Variants in HCN1 observed in about 807,000 individuals in gnomAD.
The protein encoded by HCN1 is hyperpolarization activated cyclic nucleotide gated potassium channel 1.
HCN1 carries 13 observed loss-of-function variants against 78.9 expected under a neutral mutation model. The observed-to-expected ratio is 0.16, with a 90% CI of 0.11 to 0.26. The LOEUF (loss-of-function observed/expected upper bound fraction) is 0.26. HCN1 is among the 10% of genes least tolerant of loss of function. The pLI, the probability that HCN1 is intolerant of heterozygous loss-of-function variation, is 1.00. For missense variants in HCN1, 810 were observed against 1,154.3 expected (o/e 0.70, Z 4.32); for synonymous variants, 552 against 455.5 (o/e 1.21, Z -2.70).
At chr5:45,446,187 G>T (rs1253138886) in intron 3 of HCN1, among the ~76,000 whole-genome samples, 1 of 152,214 alleles carries the variant, frequency 6.6e-6, no homozygotes. Context: ...ACAGAGAAGT[G>T]CTTAAAGGAG....
chr5:45,534,415 A>T (rs1002560894), intron 2 of HCN1, among the ~76,000 whole-genome samples: 6 of 102,874 alleles, frequency 5.8e-5, no homozygotes, highest in African/African-American at 2.0e-4. Flanking sequence ...AAAAAAAAAA[A>T]AAAAAAAAAA....
At chr5:45,295,585 T>C (rs1226739742) in intron 6 of HCN1, among the ~76,000 whole-genome samples, 3 of 152,060 alleles carry the variant, frequency 2.0e-5, no homozygotes, top group African/African-American at 7.2e-5. Context: ...TGCATTATTG[T>C]AGATATAAAT....
At chr5:45,368,825 A>C (rs1232818136) in intron 4 of HCN1, among the ~76,000 whole-genome samples, 1 of 152,090 alleles carries the variant, frequency 6.6e-6, no homozygotes, top group African/African-American at 2.4e-5. Flanking sequence ...AAATTTTATT[A>C]GATGTACTAT....
intron 3 of HCN1, among the ~76,000 whole-genome samples, chr5:45,454,812 T>G (rs1383073567): frequency 1.3e-5 from 2 of 152,128 alleles, no homozygotes; most frequent in African/African-American, 4.8e-5. Context: ...TGTCCGGGTT[T>G]CTATATTCTA....
rs149939622 is a variant in HCN1, at chr5:45,537,944, G to A, written c.850-75937C>T. ...CAATGGATCTTTGACAGAAAGTACC[G>A]TCCTTTGGCTGTGATATGAAAGGAG... On this transcript the variant is annotated intron_variant, in intron 2 of 7. Transcript: ENST00000303230. Among the ~76,000 whole-genome samples, 55 of 151,822 alleles carry A rather than the reference G, an allele frequency of 3.6e-4. 1 individual carries two copies. In the East Asian group the frequency reaches 7.8e-3, roughly 21 times the overall value.
intron 3 of HCN1, among the ~76,000 whole-genome samples, chr5:45,443,669 C>T (rs1343927118): frequency 1.3e-5 from 2 of 152,058 alleles, no homozygotes; most frequent in Non-Finnish European, 2.9e-5. Context: ...TTAGGGCTGA[C>T]ATTACTTTTG....
At position 45,396,579 on chromosome 5, in the gene HCN1, G is replaced by T. The variant is rs761760627; in HGVS notation, c.1143C>A (p.Val381=). The change falls in exon 4 of 8, where the codon GTC becomes GTA. Residue 381 remains valine (V), a synonymous_variant. Coordinates refer to ENST00000303230, the MANE Select transcript of HCN1 (RefSeq NM_021072.4). ...DLWITMLSMI[V]GATCYAMFVG... The stretch of plus-strand genomic sequence containing the variant: ...CAAACATGGCATAGCAGGTGGCCCC[G>T]ACGATCATGCTCAGCATGGTAATCC... The T allele has an allele frequency of 6.2e-7, 1 of 1,613,880 alleles. No individual in the cohort carries two copies. Among genetic ancestry groups the T allele is most frequent in the South Asian group, 1.1e-5 (1 of 91,078 alleles).
intron 1 of HCN1, among the ~76,000 whole-genome samples, chr5:45,658,116 T>G (rs1745815073): frequency 6.6e-6 from 1 of 152,086 alleles, no homozygotes; most frequent in South Asian, 2.1e-4. Context: ...TTGACAAACC[T>G]GAGAAAAACA....
chr5:45,671,593 T>A (rs1320473105), intron 1 of HCN1, among the ~76,000 whole-genome samples: 1 of 151,406 alleles, frequency 6.6e-6, no homozygotes, highest in African/African-American at 2.4e-5. Flanking sequence ...AGTGAGGACT[T>A]ATCACTTTGA....
chr5:45,465,164 T>C (rs1467150974), intron 2 of HCN1, among the ~76,000 whole-genome samples: 1 of 152,148 alleles, frequency 6.6e-6, no homozygotes, highest in East Asian at 1.9e-4. Flanking sequence ...ACTAAATGAA[T>C]GAATGAGAGA....
At chr5:45,461,466 T>A (rs1741155438) in intron 3 of HCN1, among the ~76,000 whole-genome samples, 1 of 152,134 alleles carries the variant, frequency 6.6e-6, no homozygotes, top group Admixed American at 6.6e-5. Context: ...TAAAAGTGTA[T>A]GTCTTGAACC....
At chr5:45,450,626 T>C (rs1327249580) in intron 3 of HCN1, among the ~76,000 whole-genome samples, 1 of 152,142 alleles carries the variant, frequency 6.6e-6, no homozygotes, top group Non-Finnish European at 1.5e-5. Context: ...AAATAAATAA[T>C]AATGAATTGC....
intron 5 of HCN1, among the ~76,000 whole-genome samples, chr5:45,338,958 ACTTAGAC>A (rs765164926): frequency 9.2e-5 from 14 of 152,174 alleles, no homozygotes; most frequent in Non-Finnish European, 7.4e-5. Context: ...ATAGCATTAA[ACTTAGAC>A]CTTTGTGTGA....
At chr5:45,534,404 C>CAAAAA (rs71000637) in intron 2 of HCN1, among the ~76,000 whole-genome samples, 345 of 29,308 alleles carry the variant, frequency 0.012, 51 homozygotes, top group Non-Finnish European at 0.015. Context: ...GACTGCATCT[C>CAAAAA]AAAAAAAAAA....
At chr5:45,452,333 T>G (rs1447667232) in intron 3 of HCN1, among the ~76,000 whole-genome samples, 2 of 140,934 alleles carry the variant, frequency 1.4e-5, no homozygotes, top group Non-Finnish European at 3.1e-5. Flanking sequence ...TTTTTTTTTG[T>G]TTTTTTTTTT....
At chr5:45,539,651 C>A (rs994846244) in intron 2 of HCN1, among the ~76,000 whole-genome samples, 1 of 148,148 alleles carries the variant, frequency 6.8e-6, no homozygotes, top group South Asian at 2.1e-4. Flanking sequence ...GGTGACAGAG[C>A]GAGACTCTGT....
rs1744622222 is a variant in HCN1 at position 45,256,692 on chromosome 5, G to A, written c.*5229C>T. The A allele has an allele frequency of 6.6e-6, 1 of 152,148 alleles. No individual in the cohort carries two copies. The allele number at this position is 152,148 out of a possible 1,614,324, so 9.4% of individuals were successfully genotyped here. A position where few individuals can be genotyped will look rare whatever the true frequency, so the allele number is the denominator to read the frequency against. On this transcript the variant is annotated 3_prime_UTR_variant, in exon 8 of 8. Transcript: ENST00000303230. The stretch of plus-strand genomic sequence containing the variant: ...CTACAGGAATACACCACCTATAGTC[G>A]GGTTTTCTAAACACTGCAGGTATGT...
At chr5:45,536,835 C>T (rs1033282014) in intron 2 of HCN1, among the ~76,000 whole-genome samples, 34 of 152,220 alleles carry the variant, frequency 2.2e-4, no homozygotes, top group African/African-American at 7.5e-4. Flanking sequence ...TGGTCAATTT[C>T]GCTAAACTAG....
At chr5:45,501,738 C>A (rs775601748) in intron 2 of HCN1, among the ~76,000 whole-genome samples, 3 of 152,146 alleles carry the variant, frequency 2.0e-5, no homozygotes, top group Non-Finnish European at 4.4e-5. Context: ...CTGTGCCCAG[C>A]CACAAATTTC....
Sources: allele counts gnomAD v4.1 joint callset (sites outside exome capture counted in the v4.1 genomes callset), GRCh38; gene constraint gnomAD v4.1.1; transcripts MANE v1.5; gene names NCBI Gene and HGNC (gene_info 2026-07-23, HGNC 2026-07-21).